EXOC6B: variants seen among roughly 807,000 people sequenced by gnomAD.
EXOC6B encodes the protein exocyst complex component 6B.
In EXOC6B, 54 loss-of-function variants were observed where a neutral mutation model predicts 113.5. That is an observed-to-expected ratio of 0.48 (90% CI 0.38 to 0.60). EXOC6B has a LOEUF of 0.60. Ranked by LOEUF, EXOC6B falls within the 20% of genes least tolerant of loss-of-function variation. The pLI, the probability that EXOC6B is intolerant of heterozygous loss-of-function variation, is 0.00. For synonymous variants in EXOC6B, 357 were observed against 339.0 expected, an observed-to-expected ratio of 1.05 and a Z score of -0.58; for missense variants, 797 against 977.5, an observed-to-expected ratio of 0.82 and a Z score of 2.46.
intron 18 of EXOC6B, among the ~76,000 whole-genome samples, chr2:72,403,897 G>C (rs1033157195): frequency 6.6e-6 from 1 of 152,088 alleles, no homozygotes; most frequent in Non-Finnish European, 1.5e-5. Context: ...AGCATGACCC[G>C]AAGCAGGGCA....
chr2:72,759,744 T>C (rs1682632878), intron 1 of EXOC6B, among the ~76,000 whole-genome samples: 1 of 152,192 alleles, frequency 6.6e-6, no homozygotes, highest in African/African-American at 2.4e-5. Flanking sequence ...GGAAGACTGT[T>C]AATCACAAAA....
In EXOC6B at chr2:72,480,625, T is replaced by C; in HGVS notation, c.1791A>G (p.Thr597=). 1 of 1,582,554 alleles carries C rather than the reference T, an allele frequency of 6.3e-7. No homozygotes were observed. ...TGTAGGGCCCTCTCACCTTAAAAGT[T>C]GTGGTGCCATAGAGCTTGGTAGTGT... ...TVHTTKLYGT[T]TFKDARHAAE... is the part of the protein sequence containing the mutation. Residue 597 remains threonine, a synonymous_variant, in exon 17 of 22, where the codon ACA becomes ACG. Transcript: ENST00000272427.
chr2:72,312,353 A>G (rs1254689158), intron 20 of EXOC6B, among the ~76,000 whole-genome samples: 1 of 151,750 alleles, frequency 6.6e-6, no homozygotes, highest in East Asian at 1.9e-4. Flanking sequence ...TGAGGTAGAG[A>G]CATGTGAATT....
intron 1 of EXOC6B, among the ~76,000 whole-genome samples, chr2:72,775,869 T>C (rs1406498835): frequency 6.6e-6 from 1 of 152,174 alleles, no homozygotes; most frequent in Non-Finnish European, 1.5e-5. Context: ...GAGATAAAAT[T>C]GTACAGGACT....
chr2:72,282,870 A>G (rs958632117), intron 20 of EXOC6B, among the ~76,000 whole-genome samples: 3 of 152,150 alleles, frequency 2.0e-5, no homozygotes, highest in African/African-American at 7.2e-5. Flanking sequence ...AACAATCCTA[A>G]ATTTATATGC....
intron 16 of EXOC6B, among the ~76,000 whole-genome samples, chr2:72,491,568 A>C (rs1171913345): frequency 6.6e-6 from 1 of 152,168 alleles, no homozygotes; most frequent in Non-Finnish European, 1.5e-5. Flanking sequence ...TAGGCACTAT[A>C]ACATCCAGTG....
chr2:72,177,027 CCCA>C lies in EXOC6B; in HGVS notation c.*2305_*2307del, dbSNP rs1481961826. On this transcript the variant is annotated 3_prime_UTR_variant, in exon 22 of 22. Transcript: ENST00000272427. ...TGGTCCCTGTTTTTACCTTCCCTGG[CCCA>C]CCAAGAGTATGTCTCTACATACAAC... 2.0e-5 allele frequency: 3 copies of C among 152,136 alleles called. No individual in the cohort carries two copies. Among genetic ancestry groups the C allele is most frequent in the Non-Finnish European group, 4.4e-5 (3 of 68,032 alleles). The allele number at this position is 152,136 out of a possible 1,614,324, so 9.4% of individuals were successfully genotyped here.
intron 6 of EXOC6B, among the ~76,000 whole-genome samples, chr2:72,615,458 C>T (rs1283286239): frequency 6.6e-6 from 1 of 151,802 alleles, no homozygotes; most frequent in Non-Finnish European, 1.5e-5. Flanking sequence ...ACCCCCAAAC[C>T]AGAATAGGTT....
At chr2:72,207,173 G>A (rs566496627) in intron 20 of EXOC6B, among the ~76,000 whole-genome samples, 33 of 152,254 alleles carry the variant, frequency 2.2e-4, no homozygotes, top group African/African-American at 6.0e-4. Context: ...GCTATATACC[G>A]TACTAACTTG....
At chr2:72,312,815 C>CAAAAAAAAAAACAAAAAAAAAAAAAAA (rs1391641743) in intron 20 of EXOC6B, among the ~76,000 whole-genome samples, 1 of 123,440 alleles carries the variant, frequency 8.1e-6, no homozygotes, top group Non-Finnish European at 1.9e-5. Context: ...AAAAAAAAAA[C>CAAAAAAAAAAACAAAAAAAAAAAAAAA]AAAAAACAAA....
Position 72,227,060 on chromosome 2 carries a change from A to C in EXOC6B, c.2197-42873T>G, listed in dbSNP as rs138321670. On this transcript the variant is annotated intron_variant, in intron 20 of 21. Coordinates refer to ENST00000272427, the MANE Select transcript of EXOC6B (RefSeq NM_015189.3). ...TAACATTTTAAAACCAAAATATAAA[A>C]AATAAAAGATAACAAAACAAGAGAA... Among the ~76,000 whole-genome samples, 245 of 152,340 alleles carry C rather than the reference A, an allele frequency of 1.6e-3. 2 individuals carry two copies. Among genetic ancestry groups the C allele is most frequent in the African/African-American group, 5.7e-3 (239 of 41,586 alleles).
intron 6 of EXOC6B, among the ~76,000 whole-genome samples, chr2:72,592,712 C>G (rs1006651213): frequency 1.3e-5 from 2 of 152,056 alleles, no homozygotes; most frequent in African/African-American, 4.8e-5. Flanking sequence ...CTTCTAAAAC[C>G]CTTGTAACTT....
chr2:72,381,464 A>G (rs1455297554), intron 18 of EXOC6B, among the ~76,000 whole-genome samples: 1 of 152,174 alleles, frequency 6.6e-6, no homozygotes, highest in African/African-American at 2.4e-5. Context: ...GCATGACTAC[A>G]GTGTCCCTTT....
chr2:72,357,628 T>C lies in EXOC6B; in HGVS notation c.2122+22101A>G, dbSNP rs1572963343. ...GATCATTAAACTCAGAAGGCAGAGG[T>C]TGCAGTGAGCTGAGACAGTGCCACC... On this transcript the variant is annotated intron_variant, in intron 19 of 21. Coordinates refer to ENST00000272427, the MANE Select transcript of EXOC6B (RefSeq NM_015189.3). Among the ~76,000 whole-genome samples, 3 of 151,732 alleles carry C rather than the reference T, an allele frequency of 2.0e-5. 1 individual carries two copies. In the East Asian group the frequency reaches 5.8e-4, roughly 29 times the overall value.
At chr2:72,608,020 AAAG>A (rs139151062) in intron 6 of EXOC6B, among the ~76,000 whole-genome samples, 1 of 152,280 alleles carries the variant, frequency 6.6e-6, no homozygotes, top group Non-Finnish European at 1.5e-5. Context: ...AGCAAATATG[AAAG>A]AAGGCAATAA....
At chr2:72,386,661 T>C (rs1338053405) in intron 18 of EXOC6B, among the ~76,000 whole-genome samples, 1 of 152,198 alleles carries the variant, frequency 6.6e-6, no homozygotes, top group East Asian at 1.9e-4. Context: ...CTTTCATGTG[T>C]TAAGTGTGTG....
intron 20 of EXOC6B, among the ~76,000 whole-genome samples, chr2:72,291,914 T>C (rs1276012487): frequency 1.3e-5 from 2 of 152,198 alleles, no homozygotes; most frequent in Admixed American, 1.3e-4. Flanking sequence ...GGATGGTTAA[T>C]CTATTGCCAG....
At chr2:72,543,640 T>C (rs1702738805) in intron 8 of EXOC6B, among the ~76,000 whole-genome samples, 1 of 152,156 alleles carries the variant, frequency 6.6e-6, no homozygotes, top group Admixed American at 6.5e-5. Flanking sequence ...AATTATGAAA[T>C]GTTAGATCAC....
intron 1 of EXOC6B, among the ~76,000 whole-genome samples, chr2:72,787,120 C>T (rs1684417085): frequency 6.6e-6 from 1 of 152,140 alleles, no homozygotes; most frequent in Admixed American, 6.5e-5. Context: ...AAAGTGATTC[C>T]ATCAACTGGT....
Sources: gnomAD v4.1 joint callset for allele counts (sites outside exome capture counted in the v4.1 genomes callset) on GRCh38, gnomAD v4.1.1 for gene constraint, MANE v1.5 for transcripts, NCBI Gene and HGNC (gene_info 2026-07-23, HGNC 2026-07-21) for gene names.